MACROD2: variants seen among roughly 807,000 people sequenced by gnomAD.
MACROD2 encodes the protein mono-ADP ribosylhydrolase 2, also known as ADP-ribose glycohydrolase MACROD2.
MACROD2 carries 36 observed loss-of-function variants against 70.4 expected under a neutral mutation model. The ratio of observed to expected loss-of-function variants is 0.51; its 90% CI spans 0.39 to 0.68. The LOEUF is 0.68. MACROD2 is among the 30% of genes least tolerant of loss of function. The pLI, the probability that MACROD2 is intolerant of heterozygous loss-of-function variation, is 0.00. For synonymous variants in MACROD2, 172 were observed against 178.8 expected, an observed-to-expected ratio of 0.96 and a Z score of 0.30; for missense variants, 496 against 538.4, an observed-to-expected ratio of 0.92 and a Z score of 0.78.
chr20:15,878,448 T>C (rs947781533), intron 9 of MACROD2, among the ~76,000 whole-genome samples: 3 of 152,104 alleles, frequency 2.0e-5, no homozygotes, highest in Admixed American at 1.3e-4. Context: ...ACCTGAGAAT[T>C]TGCATTTCTA....
intron 9 of MACROD2, among the ~76,000 whole-genome samples, chr20:15,884,687 G>C (rs1397709580): frequency 3.9e-5 from 6 of 152,092 alleles, no homozygotes; most frequent in Non-Finnish European, 7.4e-5. Flanking sequence ...AATGTGAGGA[G>C]AGAGGACCAA....
At chr20:15,524,840 G>C (rs2047700802) in intron 8 of MACROD2, among the ~76,000 whole-genome samples, 1 of 152,122 alleles carries the variant, frequency 6.6e-6, no homozygotes, top group Non-Finnish European at 1.5e-5. Flanking sequence ...ACATTTCAAG[G>C]ACTCAATAGT....
chr20:15,403,140 G>T (rs1174205500), intron 6 of MACROD2, among the ~76,000 whole-genome samples: 6 of 151,842 alleles, frequency 4.0e-5, no homozygotes, highest in Admixed American at 3.9e-4. Context: ...CTAATTTTTT[G>T]TATTTTGAGT....
chr20:14,915,307 C>T (rs963576), intron 5 of MACROD2, among the ~76,000 whole-genome samples: 134,721 of 152,200 alleles, frequency 0.89, 59,679 homozygotes, highest in East Asian at 1. Context: ...ATTCTGGTGT[C>T]TTCAAAAGAT....
rs941118643 is a variant in MACROD2, at chr20:15,683,791, G to T, written c.646-178954G>T. Among the ~76,000 whole-genome samples, 10 of 152,144 alleles carry T rather than the reference G, an allele frequency of 6.6e-5. 1 individual carries two copies. The highest frequency in any genetic ancestry group is 1.5e-5 in the Non-Finnish European group (1 of 68,014). ...ATGGGGGTTTCACCATGTCGGCCAT[G>T]CTGGTCTCGAACTCCTGACCTCAAG... On this transcript the variant is annotated intron_variant, in intron 8 of 17. Transcript: ENST00000684519.
At chr20:15,603,663 A>G (rs1480838510) in intron 8 of MACROD2, among the ~76,000 whole-genome samples, 2 of 152,150 alleles carry the variant, frequency 1.3e-5, no homozygotes. Flanking sequence ...TTCACCTTTT[A>G]CCATTTGTGA....
chr20:14,164,092 C>G (rs886111288), intron 3 of MACROD2, among the ~76,000 whole-genome samples: 14 of 151,322 alleles, frequency 9.3e-5, no homozygotes, highest in African/African-American at 3.4e-4. Context: ...TTTGAGTTTG[C>G]TTTATAGGGG....
chr20:15,370,458 T>C (rs1033129927), intron 6 of MACROD2, among the ~76,000 whole-genome samples: 2 of 152,096 alleles, frequency 1.3e-5, no homozygotes, highest in Non-Finnish European at 1.5e-5. Context: ...TAAAAGACCT[T>C]TAAATCTCCT....
chr20:14,325,778 C>T, intron 3 of MACROD2: 1 of 1,613,918 alleles, frequency 6.2e-7, no homozygotes, highest in East Asian at 2.2e-5. Flanking sequence ...GTGCCAGCTT[C>T]TGCATAGTCA....
intron 5 of MACROD2, among the ~76,000 whole-genome samples, chr20:15,175,296 G>T (rs1314439024): frequency 9.0e-6 from 1 of 111,324 alleles, no homozygotes; most frequent in Non-Finnish European, 1.7e-5. Context: ...GGGGAGGGGG[G>T]AGGGATAGCT....
At chr20:14,222,821 A>AGG (rs2081690682) in intron 3 of MACROD2, among the ~76,000 whole-genome samples, 2 of 32,298 alleles carry the variant, frequency 6.2e-5, no homozygotes, top group Non-Finnish European at 1.7e-4. Context: ...CTGAAAAAAA[A>AGG]AAAAAAAAAA....
chr20:16,039,709 A>G (rs2067282732), intron 15 of MACROD2, among the ~76,000 whole-genome samples: 1 of 151,964 alleles, frequency 6.6e-6, no homozygotes, highest in Non-Finnish European at 1.5e-5. Context: ...CAATTGAAAA[A>G]TGATATATTT....
At chr20:15,377,600 C>G (rs529220039) in intron 6 of MACROD2, among the ~76,000 whole-genome samples, 2 of 152,340 alleles carry the variant, frequency 1.3e-5, no homozygotes, top group African/African-American at 4.8e-5. Flanking sequence ...TGCCCAAAGT[C>G]TAACATGTTT....
At chr20:14,742,435 G>T (rs1318642339) in intron 5 of MACROD2, among the ~76,000 whole-genome samples, 1 of 108,042 alleles carries the variant, frequency 9.3e-6, no homozygotes, top group East Asian at 2.5e-4. Flanking sequence ...ATATAATAAA[G>T]GTCTGGAAAT....
chr20:14,957,061 AT>A (rs2074543406), intron 5 of MACROD2, among the ~76,000 whole-genome samples: 1 of 152,132 alleles, frequency 6.6e-6, no homozygotes, highest in Non-Finnish European at 1.5e-5. Flanking sequence ...TCAGAGACTG[AT>A]TTTTTAAAAT....
At chr20:15,852,638 G>A (rs897208854) in intron 8 of MACROD2, among the ~76,000 whole-genome samples, 2 of 152,114 alleles carry the variant, frequency 1.3e-5, no homozygotes, top group African/African-American at 4.8e-5. Flanking sequence ...CTCAGAATAC[G>A]GACTCCTATG....
At chr20:13,996,840 C>T (rs2052666046) in intron 1 of MACROD2, among the ~76,000 whole-genome samples, 1 of 152,166 alleles carries the variant, frequency 6.6e-6, no homozygotes, top group African/African-American at 2.4e-5. Flanking sequence ...AGGGTGAGGT[C>T]TATTGAGGGT....
At chr20:15,505,277 A>C (rs951425299) in intron 8 of MACROD2, among the ~76,000 whole-genome samples, 3 of 152,188 alleles carry the variant, frequency 2.0e-5, no homozygotes, top group African/African-American at 7.2e-5. Flanking sequence ...TTTCCCAGGA[A>C]GTCCTGCTAG....
In MACROD2 at chr20:14,240,509, C is replaced by T. The variant is rs574331894; in HGVS notation, c.271+154781C>T. Among the ~76,000 whole-genome samples, 4 of 152,212 alleles carry T rather than the reference C, an allele frequency of 2.6e-5. No individual in the cohort carries two copies. The South Asian group carries it at 8.3e-4, about 32-fold the overall frequency. On this transcript the variant is annotated intron_variant, in intron 3 of 17. Coordinates refer to ENST00000684519, the MANE Select transcript of MACROD2 (RefSeq NM_001351661.2). Reference sequence around the variant, plus strand: ...TACACTATGGAATACTATACAGCCCCCCAAAATGGATGAGATCATGTCCTT... The same window carrying T: ...TACACTATGGAATACTATACAGCCCTCCAAAATGGATGAGATCATGTCCTT...
Sources: allele counts gnomAD v4.1 joint callset (sites outside exome capture counted in the v4.1 genomes callset), GRCh38; gene constraint gnomAD v4.1.1; transcripts MANE v1.5; gene names NCBI Gene and HGNC (gene_info 2026-07-23, HGNC 2026-07-21).